Variants in LPA observed in about 807,000 individuals in gnomAD.
LPA encodes lipoprotein(a), also known as apolipoprotein(a).
Under a neutral mutation model 197.9 loss-of-function variants are expected in LPA, and 199 were observed. That is an observed-to-expected ratio of 1.01 (90% CI 0.90 to 1.13). The LOEUF (loss-of-function observed/expected upper bound fraction) is 1.13, where lower values mean the gene tolerates loss of function less well. Among genes scored for constraint, LPA ranks in the 50% most tolerant of loss-of-function variants. The pLI, the probability that LPA is intolerant of heterozygous loss-of-function variation, is 0.00. For missense variants in LPA, 1,853 were observed against 1,785.8 expected (o/e 1.04, Z -0.68); for synonymous variants, 715 against 639.5 (o/e 1.12, Z -1.78).
At chr6:160,586,948 G>T (rs928617003) in intron 24 of LPA, among the ~76,000 whole-genome samples, 2 of 152,158 alleles carry the variant, frequency 1.3e-5, no homozygotes, top group African/African-American at 4.8e-5. Flanking sequence ...TGGATTAACC[G>T]AGAGGGATTT....
intron 24 of LPA, among the ~76,000 whole-genome samples, chr6:160,588,938 G>A (rs980147594): frequency 6.6e-6 from 1 of 152,184 alleles, no homozygotes; most frequent in Non-Finnish European, 1.5e-5. Context: ...AGAAAGGCTG[G>A]CATAGCCAGA....
intron 28 of LPA, among the ~76,000 whole-genome samples, chr6:160,576,167 G>A (rs534183187): frequency 6.6e-6 from 1 of 151,422 alleles, no homozygotes; most frequent in African/African-American, 2.4e-5. Context: ...GCTTATACCT[G>A]CTTTTTGTCC....
chr6:160,589,679 C>T lies in LPA; in HGVS notation c.3821G>A (p.Cys1274Tyr), dbSNP rs1778987387. 6.2e-7 allele frequency: 1 copy of T among 1,613,804 alleles called. No homozygotes were observed. Among genetic ancestry groups the T allele is most frequent in the Non-Finnish European group, 8.5e-7 (1 of 1,179,844 alleles). Residue 1274 changes from cysteine (C) to tyrosine (Y), a missense_variant, in exon 24 of 39, where the codon TGC (cysteine) becomes TAC (tyrosine). Cys to Tyr is a radical substitution (Grantham distance 194, BLOSUM62 -2). This residue lies in a region of LPA where 1,737 missense variants were observed against 1,504.4 expected (regional missense o/e 1.15). Transcript: ENST00000316300. The stretch of plus-strand genomic sequence containing the variant: ...ATAACTCTGTCCATCACCATGGTAG[C>T]AGTCCTGGACTGTGGGGCTTTGCTC... ...PTEQSPTVQDCYHGDGQSYRG... is the reference protein window; with the variant it reads ...PTEQSPTVQDYYHGDGQSYRG...
chr6:160,650,046 C>A (rs1443175548), intron 2 of LPA, among the ~76,000 whole-genome samples: 1 of 152,128 alleles, frequency 6.6e-6, no homozygotes, highest in Non-Finnish European at 1.5e-5. Flanking sequence ...ATCACATTGA[C>A]CTTTAGTGAG....
intron 28 of LPA, among the ~76,000 whole-genome samples, chr6:160,570,236 A>T (rs1778538433): frequency 6.6e-6 from 1 of 152,222 alleles, no homozygotes; most frequent in Non-Finnish European, 1.5e-5. Context: ...GAACCAACAC[A>T]AACGTCCATC....
intron 7 of LPA, among the ~76,000 whole-genome samples, chr6:160,634,671 T>C (rs1328056113): frequency 5.5e-4 from 84 of 151,666 alleles, no homozygotes; most frequent in Non-Finnish European, 2.8e-4. Context: ...CCATATGGAA[T>C]TAATGCAGCC....
intron 25 of LPA, among the ~76,000 whole-genome samples, chr6:160,586,239 C>T (rs889826544): frequency 6.6e-6 from 1 of 152,088 alleles, no homozygotes; most frequent in Non-Finnish European, 1.5e-5. Context: ...AGGGTCTGTG[C>T]CCCTTTTAAA....
At chr6:160,660,035 G>A (rs74877153) in intron 1 of LPA, among the ~76,000 whole-genome samples, 9,245 of 119,958 alleles carry the variant, frequency 0.077, no homozygotes, top group African/African-American at 0.16. Context: ...AGACAATATT[G>A]CAAATCATTA....
chr6:160,578,736 A>C, intron 26 of LPA, 32 bp from the exon 27 acceptor site: 1 of 1,613,512 alleles, frequency 6.2e-7, no homozygotes, highest in Non-Finnish European at 8.5e-7. Context: ...AGGTCACCAG[A>C]GATGGGAGAA....
At chr6:160,567,662 G>A (rs1018801207) in intron 28 of LPA, among the ~76,000 whole-genome samples, 25 of 152,124 alleles carry the variant, frequency 1.6e-4, no homozygotes, top group Non-Finnish European at 3.1e-4. Flanking sequence ...AACTGAAGGA[G>A]ATAGAGACAC....
At chr6:160,546,267 T>C (rs1778069825) in intron 32 of LPA, among the ~76,000 whole-genome samples, 1 of 152,082 alleles carries the variant, frequency 6.6e-6, no homozygotes, top group Admixed American at 6.6e-5. Flanking sequence ...TGTAATCAAC[T>C]GTGCCTCTGT....
At chr6:160,602,566 C>T (rs1779264912) in intron 18 of LPA, among the ~76,000 whole-genome samples, 1 of 152,140 alleles carries the variant, frequency 6.6e-6, no homozygotes, top group African/African-American at 2.4e-5. Flanking sequence ...TCTACATTTG[C>T]CATTTGCTGG....
chr6:160,611,279 G>A (rs1270015158), intron 16 of LPA, among the ~76,000 whole-genome samples: 1 of 152,082 alleles, frequency 6.6e-6, no homozygotes. Context: ...TTGGGCAAGG[G>A]TAATCTAAGT....
chr6:160,609,888 T>G (rs1779451079), intron 16 of LPA, among the ~76,000 whole-genome samples: 1 of 152,046 alleles, frequency 6.6e-6, no homozygotes, highest in South Asian at 2.1e-4. Context: ...TTTGGTTAAT[T>G]TTTTCTTCTG....
intron 30 of LPA, among the ~76,000 whole-genome samples, chr6:160,553,937 C>CTGTGTG (rs59853609): frequency 9.3e-5 from 13 of 139,132 alleles, no homozygotes; most frequent in African/African-American, 3.0e-4. Context: ...CTCTCTCTCT[C>CTGTGTG]TGTGTGTGTG....
intron 1 of LPA, among the ~76,000 whole-genome samples, chr6:160,651,400 C>A (rs1430346846): frequency 6.6e-6 from 1 of 152,180 alleles, no homozygotes; most frequent in Non-Finnish European, 1.5e-5. Flanking sequence ...CCAGGCCCCA[C>A]TCTAAGCAAA....
Position 160,605,188 on chromosome 6 carries a change from G to A in LPA, c.2803C>T (p.Pro935Ser), listed in dbSNP as rs753610068. The A allele has an allele frequency of 9.9e-6, 16 of 1,613,856 alleles. No individual in the cohort carries two copies. The East Asian group carries it at 2.5e-4, about 25-fold the overall frequency. ...PSEQAPTEQR[P>S]GVQECYHGNG... ...CCGTGGTAGCACTCCTGCACCCCAG[G>A]CCTTTGCTCAGTTGGTGCTGAAATG... Residue 935 changes from proline (P) to serine (S), a missense_variant, in exon 18 of 39, where the codon CCT becomes TCT. Pro to Ser is a moderately conservative substitution (Grantham distance 74). This residue lies in a region of LPA where 1,737 missense variants were observed against 1,504.4 expected (regional missense o/e 1.15). Transcript: ENST00000316300.
At chr6:160,559,961 C>A (rs1778334044) in intron 28 of LPA, among the ~76,000 whole-genome samples, 1 of 152,104 alleles carries the variant, frequency 6.6e-6, no homozygotes, top group African/African-American at 2.4e-5. Flanking sequence ...CCCAACAGGC[C>A]CCTGTGTGTG....
intron 16 of LPA, among the ~76,000 whole-genome samples, chr6:160,610,793 G>A (rs1026096878): frequency 3.3e-5 from 5 of 152,088 alleles, no homozygotes; most frequent in African/African-American, 1.2e-4. Flanking sequence ...GGGTATCCAG[G>A]AAGAAAGCCA....
Sources: gnomAD v4.1 joint callset for allele counts (sites outside exome capture counted in the v4.1 genomes callset) on GRCh38, gnomAD v4.1.1 for gene constraint, gnomAD v4.1.1 regional missense constraint, MANE v1.5 for transcripts, NCBI Gene and HGNC (gene_info 2026-07-23, HGNC 2026-07-21) for gene names.